The following DLGAP1 variants were observed in gnomAD, a reference collection of about 807,000 sequenced individuals.
DLGAP1 encodes DLG associated protein 1.
DLGAP1 carries 11 observed loss-of-function variants against 90.8 expected under a neutral mutation model. The ratio of observed to expected loss-of-function variants is 0.12; its 90% confidence interval spans 0.08 to 0.20. The LOEUF (loss-of-function observed/expected upper bound fraction) is 0.20, where lower values mean the gene tolerates loss of function less well. Ranked by LOEUF, DLGAP1 falls within the 10% of genes least tolerant of loss-of-function variation. DLGAP1 has a pLI of 1.00. For missense variants in DLGAP1, 1,050 were observed against 1,333.8 expected, an observed-to-expected ratio of 0.79 and a Z score of 3.31; for synonymous variants, 558 against 540.7, an observed-to-expected ratio of 1.03 and a Z score of -0.44.
Position 3,773,805 on chromosome 18 carries a change from A to G in DLGAP1, c.1173-31293T>C, listed in dbSNP as rs77784526. ...ACTGGTGCTACATTAATTCAAGCATATATTAGAGGGAAATGGATATAAACT... is the reference window on the plus strand; with the variant it reads ...ACTGGTGCTACATTAATTCAAGCATGTATTAGAGGGAAATGGATATAAACT... On this transcript the variant is annotated intron_variant, in intron 5 of 12. Transcript: ENST00000315677. Among the ~76,000 whole-genome samples the G allele has an allele frequency of 3.8e-3, 575 of 152,354 alleles. 5 individuals are homozygous for G. The highest frequency in any genetic ancestry group is 5.3e-3 in the Non-Finnish European group (363 of 68,034).
In DLGAP1 at chr18:3,720,888, C is replaced by CAAAAAAAAAAAAAAAAAAAAAA. The variant is rs1186426563; in HGVS notation, c.1591+8246_1591+8247insTTTTTTTTTTTTTTTTTTTTTT. On this transcript the variant is annotated intron_variant, in intron 7 of 12. Transcript: ENST00000315677. ...GCAACATACTAAGACCTTGTCTCTA[C>CAAAAAAAAAAAAAAAAAAAAAA]AAAAAAAAAAAAAAAAAAAAATTAG... Among the ~76,000 whole-genome samples the CAAAAAAAAAAAAAAAAAAAAAA allele has an allele frequency of 6.8e-4, 34 of 50,298 alleles. 1 individual carries two copies. Among genetic ancestry groups the CAAAAAAAAAAAAAAAAAAAAAA allele is most frequent in the African/African-American group, 1.8e-3 (23 of 12,486 alleles). 33.0% of individuals were successfully genotyped at this position (50,298 alleles called of 152,430 possible). A position where few individuals can be genotyped will look rare whatever the true frequency, so the allele number is the denominator to read the frequency against.
At chr18:4,223,623 C>T (rs1231293550) in intron 1 of DLGAP1, among the ~76,000 whole-genome samples, 1 of 152,134 alleles carries the variant, frequency 6.6e-6, no homozygotes, top group Non-Finnish European at 1.5e-5. Flanking sequence ...TATGTAACAA[C>T]AATAGATATT....
chr18:4,145,952 T>C (rs1467187384), intron 2 of DLGAP1, among the ~76,000 whole-genome samples: 1 of 152,198 alleles, frequency 6.6e-6, no homozygotes, highest in Non-Finnish European at 1.5e-5. Flanking sequence ...CAGCAATGTA[T>C]AGAACCAGAG....
Position 4,043,540 on chromosome 18 carries a change from T to A in DLGAP1, c.-158-38339A>T, listed in dbSNP as rs990752013. On this transcript the variant is annotated intron_variant, in intron 2 of 12. Coordinates refer to ENST00000315677, the MANE Select transcript of DLGAP1 (RefSeq NM_004746.4). ...AAGGATGATCAATTTAGATGTAACC[T>A]ACATCTTATTTATTTATTTATTTAT... Among the ~76,000 whole-genome samples, 5 of 150,170 alleles carry A rather than the reference T, an allele frequency of 3.3e-5. No homozygotes were observed. In the Admixed American group the frequency reaches 3.3e-4, roughly 10 times the overall value.
chr18:4,070,528 A>AC (rs34787141), intron 2 of DLGAP1, among the ~76,000 whole-genome samples: 1 of 5,646 alleles, frequency 1.8e-4, no homozygotes, highest in Non-Finnish European at 5.3e-4. Context: ...TTTTTGCATA[A>AC]GGTTTTCCCA....
At chr18:3,914,120 T>G (rs367964442) in intron 3 of DLGAP1, among the ~76,000 whole-genome samples, 2 of 152,188 alleles carry the variant, frequency 1.3e-5, no homozygotes, top group Non-Finnish European at 2.9e-5. Context: ...GGAGCATAGG[T>G]TAACTATAGT....
chr18:3,620,242 C>T (rs754567540), intron 7 of DLGAP1, among the ~76,000 whole-genome samples: 2 of 151,844 alleles, frequency 1.3e-5, no homozygotes, highest in Non-Finnish European at 2.9e-5. Context: ...TGTGTGTGTG[C>T]GAGAGAGGAG....
At chr18:4,230,707 T>C (rs2078281871) in intron 1 of DLGAP1, among the ~76,000 whole-genome samples, 1 of 149,186 alleles carries the variant, frequency 6.7e-6, no homozygotes, top group South Asian at 2.2e-4. Flanking sequence ...ATCTAGTATG[T>C]GACCGCAAAA....
At chr18:4,010,890 C>A (rs986634232) in intron 2 of DLGAP1, among the ~76,000 whole-genome samples, 8 of 151,390 alleles carry the variant, frequency 5.3e-5, no homozygotes, top group Non-Finnish European at 8.8e-5. Context: ...AAAAAAATCC[C>A]TCCGGCCAGG....
intron 1 of DLGAP1, among the ~76,000 whole-genome samples, chr18:4,388,018 G>A (rs1452544817): frequency 6.6e-6 from 1 of 151,592 alleles, no homozygotes; most frequent in Non-Finnish European, 1.5e-5. Context: ...CCAAGCTCAG[G>A]AAATTGGACT....
intron 3 of DLGAP1, chr18:3,978,333 C>A: frequency 2.7e-6 from 1 of 365,006 alleles, no homozygotes; most frequent in Non-Finnish European, 5.4e-6. Flanking sequence ...GACTCCACAA[C>A]GTACTCAGTG....
intron 5 of DLGAP1, among the ~76,000 whole-genome samples, chr18:3,751,909 A>G (rs2147813798): frequency 7.4e-6 from 1 of 134,574 alleles, no homozygotes; most frequent in East Asian, 2.2e-4. Flanking sequence ...AATGAGATGC[A>G]GTCTTACTCT....
At chr18:4,204,588 C>T (rs997494179) in intron 1 of DLGAP1, among the ~76,000 whole-genome samples, 4 of 151,716 alleles carry the variant, frequency 2.6e-5, no homozygotes, top group African/African-American at 7.3e-5. Context: ...ATCAATTTCA[C>T]AGTGGAAAAT....
chr18:4,098,750 A>G (rs367952411), intron 2 of DLGAP1, among the ~76,000 whole-genome samples: 18 of 152,292 alleles, frequency 1.2e-4, no homozygotes, highest in African/African-American at 3.6e-4. Flanking sequence ...AGAAAGGTAA[A>G]ATGTTCAGGT....
At chr18:3,829,741 A>C (rs1470073389) in intron 4 of DLGAP1, among the ~76,000 whole-genome samples, 1 of 152,108 alleles carries the variant, frequency 6.6e-6, no homozygotes, top group Non-Finnish European at 1.5e-5. Context: ...CACATTATGG[A>C]GGGTAATCTT....
intron 2 of DLGAP1, among the ~76,000 whole-genome samples, chr18:4,135,944 G>A (rs1290041031): frequency 6.6e-6 from 1 of 151,724 alleles, no homozygotes; most frequent in Non-Finnish European, 1.5e-5. Flanking sequence ...ATGTATACCT[G>A]TGCCATGTTG....
chr18:3,908,932 T>A (rs561294243), intron 3 of DLGAP1, among the ~76,000 whole-genome samples: 1 of 152,170 alleles, frequency 6.6e-6, no homozygotes. Context: ...CTCATTCATC[T>A]TCTTCTCTAC....
intron 1 of DLGAP1, among the ~76,000 whole-genome samples, chr18:4,350,021 C>A (rs1567852928): frequency 6.6e-6 from 1 of 152,116 alleles, no homozygotes; most frequent in African/African-American, 2.4e-5. Flanking sequence ...ACAGAACTTT[C>A]TAAAGGATGC....
At chr18:4,258,815 G>A (rs1322331299) in intron 1 of DLGAP1, among the ~76,000 whole-genome samples, 2 of 151,670 alleles carry the variant, frequency 1.3e-5, no homozygotes, top group Non-Finnish European at 2.9e-5. Context: ...CTGAAACTTT[G>A]CCTTTTCCTA....
Sources: gnomAD v4.1 joint callset for allele counts (sites outside exome capture counted in the v4.1 genomes callset) on GRCh38, gnomAD v4.1.1 for gene constraint, MANE v1.5 for transcripts, NCBI Gene and HGNC (gene_info 2026-07-23, HGNC 2026-07-21) for gene names.